ME1: variants seen among roughly 807,000 people sequenced by gnomAD.
ME1 encodes malic enzyme 1.
A neutral mutation model predicts 66.4 loss-of-function variants in ME1; 74 were observed. That is an observed-to-expected ratio of 1.11 (90% CI 0.92 to 1.35). The LOEUF (loss-of-function observed/expected upper bound fraction) is 1.35. Ranked by LOEUF, ME1 falls within the 40% of genes most tolerant of loss-of-function variation. ME1 has a pLI of 0.00. For missense variants in ME1, 750 were observed against 694.1 expected (o/e 1.08, Z -0.90); for synonymous variants, 251 against 235.6 (o/e 1.07, Z -0.60).
chr6:83,223,726 A>C (rs762372683), intron 12 of ME1, 34 bp downstream of exon 12: 1 of 1,597,248 alleles, frequency 6.3e-7, no homozygotes, highest in African/African-American at 1.3e-5. Flanking sequence ...TTGGTATTTT[A>C]AACCCTTGGT....
chr6:83,317,940 G>A (rs1425623189), intron 5 of ME1, among the ~76,000 whole-genome samples: 1 of 152,030 alleles, frequency 6.6e-6, no homozygotes, highest in Non-Finnish European at 1.5e-5. Flanking sequence ...CATGGTACTG[G>A]TACCAAAACA....
intron 11 of ME1, among the ~76,000 whole-genome samples, chr6:83,226,776 G>GA (rs1010844202): frequency 6.7e-6 from 1 of 150,024 alleles, no homozygotes; most frequent in Non-Finnish European, 1.5e-5. Context: ...TCTTTGAAGG[G>GA]AAAAAAGGCT....
intron 1 of ME1, among the ~76,000 whole-genome samples, chr6:83,415,251 C>A (rs1770138678): frequency 6.6e-6 from 1 of 152,176 alleles, no homozygotes; most frequent in Non-Finnish European, 1.5e-5. Context: ...CATTAGACAG[C>A]AATTCCAACA....
chr6:83,407,649 C>A (rs966725194), intron 2 of ME1, 119 bp downstream of exon 2: 3 of 970,668 alleles, frequency 3.1e-6, no homozygotes, highest in Non-Finnish European at 2.9e-6. Flanking sequence ...CAGGAAAATT[C>A]TTCTCAAAGT....
intron 6 of ME1, among the ~76,000 whole-genome samples, chr6:83,276,493 G>T (rs1444122946): frequency 6.6e-6 from 1 of 152,134 alleles, no homozygotes; most frequent in African/African-American, 2.4e-5. Flanking sequence ...GATATTCCAT[G>T]ACATTAAAAA....
intron 5 of ME1, among the ~76,000 whole-genome samples, chr6:83,334,099 G>T (rs908330290): frequency 6.6e-6 from 1 of 152,164 alleles, no homozygotes; most frequent in Non-Finnish European, 1.5e-5. Context: ...GCGCAGGCCA[G>T]TGTGTGCGTG....
At chr6:83,413,153 C>T (rs1468763963) in intron 1 of ME1, among the ~76,000 whole-genome samples, 1 of 152,186 alleles carries the variant, frequency 6.6e-6, no homozygotes, top group Non-Finnish European at 1.5e-5. Context: ...ACAACAGGCA[C>T]ATGCCACCAT....
intron 6 of ME1, among the ~76,000 whole-genome samples, chr6:83,260,051 A>G (rs1485264878): frequency 6.6e-6 from 1 of 152,146 alleles, no homozygotes; most frequent in Non-Finnish European, 1.5e-5. Context: ...TATACTATGA[A>G]TCTTTTTTCT....
chr6:83,332,163 AATTT>A, intron 5 of ME1, among the ~76,000 whole-genome samples: 2 of 152,268 alleles, frequency 1.3e-5, no homozygotes, highest in Middle Eastern at 6.8e-3. Context: ...CACCCTACCT[AATTT>A]AATACTTAGT....
intron 4 of ME1, among the ~76,000 whole-genome samples, chr6:83,351,452 A>G (rs1285960867): frequency 6.6e-6 from 1 of 152,276 alleles, no homozygotes; most frequent in East Asian, 1.9e-4. Flanking sequence ...CCCTGTGTCT[A>G]AGAACAGGGA....
intron 3 of ME1, among the ~76,000 whole-genome samples, chr6:83,379,547 T>C (rs1339567351): frequency 2.6e-5 from 4 of 152,226 alleles, no homozygotes; most frequent in Non-Finnish European, 5.9e-5. Context: ...AATTTTTATA[T>C]GAATCTTGAT....
At chr6:83,422,052 C>G (rs1770278419) in intron 1 of ME1, among the ~76,000 whole-genome samples, 1 of 151,938 alleles carries the variant, frequency 6.6e-6, no homozygotes, top group African/African-American at 2.4e-5. Flanking sequence ...CTCATGGAAA[C>G]AAAAAATATC....
chr6:83,278,640 T>C (rs1283595076), intron 6 of ME1, among the ~76,000 whole-genome samples: 1 of 151,590 alleles, frequency 6.6e-6, no homozygotes, highest in Non-Finnish European at 1.5e-5. Context: ...TAATTTCTTG[T>C]AGATATGAGG....
At chr6:83,242,501 AT>A (rs1468337489) in intron 7 of ME1, among the ~76,000 whole-genome samples, 2 of 152,148 alleles carry the variant, frequency 1.3e-5, no homozygotes, top group Non-Finnish European at 2.9e-5. Flanking sequence ...AGGTCAAGGC[AT>A]TTAGAGTGCA....
chr6:83,315,182 TA>T, intron 6 of ME1, 127 bp downstream of exon 6: 2 of 611,420 alleles, frequency 3.3e-6, no homozygotes, highest in Middle Eastern at 8.9e-4. Context: ...AGGAAATAGA[TA>T]GGATATATGC....
At chr6:83,219,889 G>T (rs1477476598) in intron 12 of ME1, among the ~76,000 whole-genome samples, 1 of 151,876 alleles carries the variant, frequency 6.6e-6, no homozygotes, top group African/African-American at 2.4e-5. Flanking sequence ...CATCTGGCCA[G>T]CTATTTTGTT....
intron 6 of ME1, among the ~76,000 whole-genome samples, chr6:83,284,529 T>A (rs1431792002): frequency 6.6e-6 from 1 of 151,936 alleles, no homozygotes; most frequent in East Asian, 1.9e-4. Context: ...CAGCAGCACA[T>A]AAAAAGTTAA....
chr6:83,308,052 T>A (rs1767858395), intron 6 of ME1, among the ~76,000 whole-genome samples: 2 of 152,070 alleles, frequency 1.3e-5, no homozygotes, highest in Non-Finnish European at 2.9e-5. Flanking sequence ...AAAAAAAGCA[T>A]AATTGTATGA....
intron 12 of ME1, 105 bp downstream of exon 12, chr6:83,223,655 T>TTAC: frequency 9.0e-7 from 1 of 1,116,840 alleles, no homozygotes; most frequent in Non-Finnish European, 1.3e-6. Flanking sequence ...CTTTACTTCT[T>TTAC]TCAGAGAGTA....
Sources: allele counts gnomAD v4.1 joint callset (sites outside exome capture counted in the v4.1 genomes callset), GRCh38; gene constraint gnomAD v4.1.1; transcripts MANE v1.5; gene names NCBI Gene and HGNC (gene_info 2026-07-23, HGNC 2026-07-21).